NCK2: variants seen among roughly 807,000 people sequenced by gnomAD.
The protein encoded by NCK2 is cytoplasmic protein NCK2.
A neutral mutation model predicts 33.9 loss-of-function variants in NCK2; 16 were observed. The ratio of observed to expected loss-of-function variants is 0.47; its 90% CI spans 0.32 to 0.72. The LOEUF (loss-of-function observed/expected upper bound fraction) is 0.72. NCK2 is among the 30% of genes least tolerant of loss of function. The probability of loss-of-function intolerance (pLI) is 0.03; values close to 1 mark genes in which losing one functional copy is unlikely to be tolerated. For synonymous variants in NCK2, 273 were observed against 239.9 expected (o/e 1.14, Z -1.27); for missense variants, 418 against 537.3 (o/e 0.78, Z 2.19).
chr2:105,748,430 G>A (rs1164571679), intron 1 of NCK2, among the ~76,000 whole-genome samples: 1 of 151,996 alleles, frequency 6.6e-6, no homozygotes, highest in East Asian at 1.9e-4. Context: ...TGTCACCCAG[G>A]CTGGAGTACA....
intron 1 of NCK2, among the ~76,000 whole-genome samples, chr2:105,746,851 A>G (rs1241681572): frequency 1.3e-5 from 2 of 152,158 alleles, no homozygotes; most frequent in Non-Finnish European, 2.9e-5. Flanking sequence ...CGGCTACTTG[A>G]GGCTGAAATG....
intron 1 of NCK2, among the ~76,000 whole-genome samples, chr2:105,802,223 T>C (rs1311993390): frequency 6.6e-6 from 1 of 152,198 alleles, no homozygotes; most frequent in Non-Finnish European, 1.5e-5. Flanking sequence ...CGGGAAGATG[T>C]GCACACACCC....
intron 3 of NCK2, among the ~76,000 whole-genome samples, chr2:105,868,655 G>A (rs956077607): frequency 2.0e-5 from 3 of 152,232 alleles, no homozygotes; most frequent in African/African-American, 7.2e-5. Flanking sequence ...GGCGAGAAAG[G>A]TTGGTTGTGT....
In NCK2 at chr2:105,881,921, C is replaced by T. The variant is rs1573245763; in HGVS notation, c.820C>T (p.Pro274Ser). Residue 274 changes from proline (P) to serine (S), a missense_variant, in exon 4 of 5, where the codon CCC becomes TCC. By Grantham distance (74) the Pro-to-Ser change is moderately conservative (BLOSUM62 -1). Coordinates refer to ENST00000233154, the MANE Select transcript of NCK2 (RefSeq NM_003581.5). ...AHAPQISYTGPSSSGRFAGRE... is the reference protein window; with the variant it reads ...AHAPQISYTGSSSSGRFAGRE... ...CGCCCCACAGATAAGCTACACCGGG[C>T]CCTCGTCCAGCGGGCGCTTCGCGGG... is the stretch of plus-strand genomic sequence containing the variant. 6.4e-7 allele frequency: 1 copy of T among 1,563,936 alleles called. No homozygotes were observed. Among genetic ancestry groups the T allele is most frequent in the Non-Finnish European group, 8.7e-7 (1 of 1,155,988 alleles).
At chr2:105,750,532 T>G (rs1015806879) in intron 1 of NCK2, among the ~76,000 whole-genome samples, 1 of 152,172 alleles carries the variant, frequency 6.6e-6, no homozygotes. Flanking sequence ...CTCTGTTTAT[T>G]TGGGGACACC....
chr2:105,783,049 G>A (rs1170057356), intron 1 of NCK2, among the ~76,000 whole-genome samples: 2 of 152,094 alleles, frequency 1.3e-5, no homozygotes, highest in African/African-American at 2.4e-5. Flanking sequence ...TGGGTACCTG[G>A]GATATAACCG....
intron 2 of NCK2, among the ~76,000 whole-genome samples, chr2:105,845,135 G>A (rs1676806010): frequency 1.3e-5 from 2 of 152,142 alleles, no homozygotes; most frequent in Non-Finnish European, 2.9e-5. Flanking sequence ...TAGATACCAT[G>A]CTTAGGAATG....
chr2:105,863,976 G>A (rs969493078), intron 3 of NCK2, among the ~76,000 whole-genome samples: 2 of 146,510 alleles, frequency 1.4e-5, no homozygotes, highest in African/African-American at 4.8e-5. Context: ...TGGCGAGGGG[G>A]GGTGGGGTCT....
At chr2:105,790,790 G>A (rs777259645) in intron 1 of NCK2, among the ~76,000 whole-genome samples, 1 of 152,232 alleles carries the variant, frequency 6.6e-6, no homozygotes. Context: ...CTCGCTGCCA[G>A]CTGATGCACA....
At chr2:105,761,304 T>G (rs1689757414) in intron 1 of NCK2, among the ~76,000 whole-genome samples, 1 of 152,152 alleles carries the variant, frequency 6.6e-6, no homozygotes, top group African/African-American at 2.4e-5. Context: ...GCTGACTGAC[T>G]TCCAGAGAAT....
At chr2:105,856,198 C>G (rs543117532) in intron 3 of NCK2, among the ~76,000 whole-genome samples, 1 of 152,206 alleles carries the variant, frequency 6.6e-6, no homozygotes, top group Non-Finnish European at 1.5e-5. Context: ...TGGAGTTACA[C>G]AAAGTTAACA....
chr2:105,755,500 G>C (rs1558822227), intron 1 of NCK2, among the ~76,000 whole-genome samples: 2 of 152,184 alleles, frequency 1.3e-5, no homozygotes, highest in Non-Finnish European at 2.9e-5. Flanking sequence ...CCTTTCATGA[G>C]TGCCTCCGGT....
At chr2:105,837,819 G>C (rs923733509) in intron 2 of NCK2, among the ~76,000 whole-genome samples, 58 of 152,266 alleles carry the variant, frequency 3.8e-4, no homozygotes, top group African/African-American at 1.3e-3. Flanking sequence ...TGTGGTCTCA[G>C]ATTATGAATG....
At chr2:105,845,398 T>A (rs769807801) in intron 2 of NCK2, among the ~76,000 whole-genome samples, 35 of 1,008 alleles carry the variant, frequency 0.035, no homozygotes, top group Admixed American at 0.04. Context: ...ATATTTTGAA[T>A]TTTTTTTTTT....
chr2:105,799,712 G>C (rs2104443720), intron 1 of NCK2, among the ~76,000 whole-genome samples: 1 of 152,282 alleles, frequency 6.6e-6, no homozygotes, highest in South Asian at 2.1e-4. Context: ...GCAGCCCAGA[G>C]GTCACTGGGT....
chr2:105,754,634 TG>T (rs1573553781), intron 1 of NCK2, among the ~76,000 whole-genome samples: 1 of 151,868 alleles, frequency 6.6e-6, no homozygotes, highest in African/African-American at 2.4e-5. Flanking sequence ...TGTGGGAGGT[TG>T]GGGGGAGCTG....
chr2:105,827,780 G>C (rs1045035597), intron 2 of NCK2, among the ~76,000 whole-genome samples: 1 of 152,200 alleles, frequency 6.6e-6, no homozygotes, highest in African/African-American at 2.4e-5. Flanking sequence ...TAGAGAGCAG[G>C]TTAGTGTTTA....
chr2:105,849,610 T>A (rs1676984998), intron 2 of NCK2, among the ~76,000 whole-genome samples: 2 of 152,164 alleles, frequency 1.3e-5, no homozygotes, highest in Non-Finnish European at 2.9e-5. Context: ...AGGTGGTCTC[T>A]GGTGCTAAAT....
At position 105,832,043 on chromosome 2, in the gene NCK2, C is replaced by T. The variant is rs547306712; in HGVS notation, c.-17+15430C>T. Among the ~76,000 whole-genome samples the T allele has an allele frequency of 8.5e-5, 13 of 152,128 alleles. No homozygotes were observed. In the East Asian group the frequency reaches 1.2e-3, roughly 14 times the overall value. On this transcript the variant is annotated intron_variant, in intron 2 of 4. Coordinates refer to ENST00000233154, the MANE Select transcript of NCK2 (RefSeq NM_003581.5). ...TTATGTCCTCTTCAATTTCTTTTAT[C>T]GGTATTTTGTAGTTTTTAATGTAGA...
Sources: allele counts gnomAD v4.1 joint callset (sites outside exome capture counted in the v4.1 genomes callset), GRCh38; gene constraint gnomAD v4.1.1; transcripts MANE v1.5; gene names NCBI Gene and HGNC (gene_info 2026-07-23, HGNC 2026-07-21).